Variants in KIRREL3 observed in about 807,000 individuals in gnomAD.
KIRREL3 encodes kin of IRRE-like protein 3.
KIRREL3 carries 36 observed loss-of-function variants against 89.7 expected under a neutral mutation model. The observed-to-expected ratio is 0.40, with a 90% CI of 0.31 to 0.53. KIRREL3 has a LOEUF of 0.53. KIRREL3 is among the 20% of genes least tolerant of loss of function. KIRREL3 has a pLI of 0.49. For synonymous variants in KIRREL3, 445 were observed against 441.4 expected, an observed-to-expected ratio of 1.01 and a Z score of -0.10; for missense variants, 864 against 1,056.6, an observed-to-expected ratio of 0.82 and a Z score of 2.53.
Position 126,642,360 on chromosome 11 carries a change from C to T in KIRREL3, c.56-79448G>A, listed in dbSNP as rs1529375. ...TATGCCCACACTAGGCAATGCCTTCCTGGGAGATAACATTGCATTTATTCC... is the reference window on the plus strand; with the variant it reads ...TATGCCCACACTAGGCAATGCCTTCTTGGGAGATAACATTGCATTTATTCC... On this transcript the variant is annotated intron_variant, in intron 1 of 16. Transcript: ENST00000525144. The surrounding 1 kb of genome is among the most constrained non-coding windows in gnomAD (Gnocchi z 4.9). Among the ~76,000 whole-genome samples the T allele has an allele frequency of 6.6e-6, 1 of 152,202 alleles. No individual in the cohort carries two copies. Among genetic ancestry groups the T allele is most frequent in the East Asian group, 1.9e-4 (1 of 5,198 alleles).
chr11:126,637,491 C>CCT (rs747094409), intron 1 of KIRREL3, among the ~76,000 whole-genome samples: 8 of 152,190 alleles, frequency 5.3e-5, no homozygotes, highest in South Asian at 2.1e-4. Flanking sequence ...CCTGCTCAAG[C>CCT]CTCTGCCTAT....
Position 126,425,023 on chromosome 11 carries a change from C to T in KIRREL3, c.1894G>A (p.Asp632Asn), listed in dbSNP as rs1262928265. 2 of 1,522,414 alleles carry T rather than the reference C, an allele frequency of 1.3e-6. No homozygotes were observed. The highest frequency in any genetic ancestry group is 1.8e-6 in the Non-Finnish European group (2 of 1,134,266). The allele number at this position is 1,522,414 out of a possible 1,614,324, so 94.3% of individuals were successfully genotyped here. A position where few individuals can be genotyped will look rare whatever the true frequency, so the allele number is the denominator to read the frequency against. The change falls in exon 17 of 17, where the codon GAC (aspartate) becomes AAC (asparagine). Residue 632 changes from aspartate to asparagine, a missense_variant and splice_region_variant. Physicochemically the swap from Asp to Asn is conservative, Grantham distance 23 (BLOSUM62 1). Transcript: ENST00000525144. ...EEEKEFQNLKDPTNGYYSVNT... is the reference protein window; with the variant it reads ...EEEKEFQNLKNPTNGYYSVNT... ...ACGCTGTAGTAGCCATTGGTGGGGTCCTGGATGGGCGAGAGGAAGAGGAGC... is the reference window on the plus strand; with the variant it reads ...ACGCTGTAGTAGCCATTGGTGGGGTTCTGGATGGGCGAGAGGAAGAGGAGC...
Position 126,739,298 on chromosome 11 carries a change from T to G in KIRREL3, c.56-176386A>C, listed in dbSNP as rs67805798. ...TTAATTCGACTGCCTTTTGGCATGG[T>G]TATGGGGCTTCTCTGCAAATTGCTT... On this transcript the variant is annotated intron_variant, in intron 1 of 16. Transcript: ENST00000525144. This position sits in a 1 kb window ranked among gnomAD's most constrained non-coding sequence, Gnocchi z 5.5. 0.03 allele frequency among the ~76,000 whole-genome samples: 4,498 copies of G among 152,346 alleles called. 110 individuals carry two copies. Among genetic ancestry groups the G allele is most frequent in the Admixed American group, 0.052 (802 of 15,306 alleles).
rs1947934604 is a variant in KIRREL3, at chr11:126,715,827, C to G, written c.56-152915G>C. Among the ~76,000 whole-genome samples the G allele has an allele frequency of 6.6e-6, 1 of 152,166 alleles. No homozygotes were observed. The highest frequency in any genetic ancestry group is 2.1e-4 in the South Asian group (1 of 4,818). Reference sequence around the variant, plus strand: ...ACACGGTTGCAGAGAGGCCAGTGTTCCACCGTCAAGAGCGCAGAAAAGCCC... The same window carrying G: ...ACACGGTTGCAGAGAGGCCAGTGTTGCACCGTCAAGAGCGCAGAAAAGCCC... On this transcript the variant is annotated intron_variant, in intron 1 of 16. Coordinates refer to ENST00000525144, the MANE Select transcript of KIRREL3 (RefSeq NM_032531.4). The surrounding 1 kb of genome is among the most constrained non-coding windows in gnomAD (Gnocchi z 4.4).
Position 126,946,919 on chromosome 11 carries a change from A to C in KIRREL3, c.55+53536T>G, listed in dbSNP as rs1948634343. On this transcript the variant is annotated intron_variant, in intron 1 of 16. Transcript: ENST00000525144. The surrounding 1 kb of genome is among the most constrained non-coding windows in gnomAD (Gnocchi z 4.1). ...ATTTGGTATCACCATACAGAGATTG[A>C]ATGTGCAGGCATTGAGTGGTTAAAT... 1.3e-5 allele frequency among the ~76,000 whole-genome samples: 2 copies of C among 152,182 alleles called. No homozygotes were observed. Among genetic ancestry groups the C allele is most frequent in the Admixed American group, 1.3e-4 (2 of 15,276 alleles).
chr11:126,512,573 G>T (rs1000684608), intron 4 of KIRREL3, among the ~76,000 whole-genome samples: 12 of 152,174 alleles, frequency 7.9e-5, no homozygotes, highest in African/African-American at 2.7e-4. Context: ...GCTGCCCCCC[G>T]CATGTTATAG....
intron 1 of KIRREL3, among the ~76,000 whole-genome samples, chr11:126,626,045 G>A (rs1019622946): frequency 6.6e-6 from 1 of 152,244 alleles, no homozygotes; most frequent in Non-Finnish European, 1.5e-5. Context: ...TTTATTCACT[G>A]AATGGATGAA....
intron 7 of KIRREL3, among the ~76,000 whole-genome samples, chr11:126,452,190 T>C (rs1478894337): frequency 2.6e-5 from 4 of 152,348 alleles, no homozygotes; most frequent in East Asian, 1.9e-4. Context: ...ATAACAACTG[T>C]AGTTTAACAA....
At chr11:126,478,642 T>C (rs1006975012) in intron 4 of KIRREL3, among the ~76,000 whole-genome samples, 5 of 147,684 alleles carry the variant, frequency 3.4e-5, no homozygotes, top group South Asian at 2.1e-4. Flanking sequence ...CGTGTGTATG[T>C]GTGTATGTAT....
chr11:126,936,779 G>A (rs1948208593), intron 1 of KIRREL3: 1 of 152,148 alleles, frequency 6.6e-6, no homozygotes, highest in Non-Finnish European at 1.5e-5. Flanking sequence ...TCTGCAAATG[G>A]GCATGAGGGA....
chr11:127,001,251 GGAGAA>G (rs1950307313), upstream of KIRREL3: 1 of 137,836 alleles, frequency 7.3e-6, no homozygotes, highest in African/African-American at 2.7e-5. Flanking sequence ...GCTCGGAGTT[GGAGAA>G]GAGATAAGCA....
chr11:126,788,320 G>GT lies in KIRREL3; in HGVS notation c.55+212134dup, dbSNP rs1950541365. Among the ~76,000 whole-genome samples, 1 of 152,176 alleles carries GT rather than the reference G, an allele frequency of 6.6e-6. No individual in the cohort carries two copies. The highest frequency in any genetic ancestry group is 2.1e-4 in the South Asian group (1 of 4,828). On this transcript the variant is annotated intron_variant, in intron 1 of 16. Coordinates refer to ENST00000525144, the MANE Select transcript of KIRREL3 (RefSeq NM_032531.4). This position sits in a 1 kb window ranked among gnomAD's most constrained non-coding sequence, Gnocchi z 4.1. ...TTCCACTTCCACTTGCTGAGATATG[G>GT]TTTTTCCCACTGTGCTACTCAGACA...
chr11:126,823,509 G>T (rs768513980), intron 1 of KIRREL3, among the ~76,000 whole-genome samples: 1 of 152,076 alleles, frequency 6.6e-6, no homozygotes, highest in Non-Finnish European at 1.5e-5. Flanking sequence ...GACCCTAAAT[G>T]AGCTCATGTT....
chr11:126,673,599 C>A (rs557986632), intron 1 of KIRREL3, among the ~76,000 whole-genome samples: 1 of 152,320 alleles, frequency 6.6e-6, no homozygotes, highest in Non-Finnish European at 1.5e-5. Flanking sequence ...ACAGTCAGGG[C>A]TGGCACAGGG....
intron 5 of KIRREL3, among the ~76,000 whole-genome samples, chr11:126,468,111 G>C (rs1470383651): frequency 1.3e-5 from 2 of 152,224 alleles, no homozygotes; most frequent in African/African-American, 2.4e-5. Context: ...CTGCCTGGCA[G>C]GAAGCTGCAC....
intron 6 of KIRREL3, among the ~76,000 whole-genome samples, chr11:126,458,312 G>A (rs1440386890): frequency 6.6e-6 from 1 of 152,232 alleles, no homozygotes; most frequent in Non-Finnish European, 1.5e-5. Flanking sequence ...GTCTCTTTCG[G>A]TCCCCATGGG....
chr11:126,618,842 C>T (rs977407957), intron 1 of KIRREL3, among the ~76,000 whole-genome samples: 3 of 152,224 alleles, frequency 2.0e-5, no homozygotes, highest in African/African-American at 7.2e-5. Flanking sequence ...TTGAATCACC[C>T]TCCTCTACTA....
intron 1 of KIRREL3, among the ~76,000 whole-genome samples, chr11:126,926,378 C>T (rs1372177490): frequency 6.6e-6 from 1 of 152,224 alleles, no homozygotes; most frequent in Non-Finnish European, 1.5e-5. Flanking sequence ...TTGCCACTGA[C>T]TGTAGTTATG....
At chr11:126,819,231 G>A (rs1441337169) in intron 1 of KIRREL3, among the ~76,000 whole-genome samples, 3 of 152,166 alleles carry the variant, frequency 2.0e-5, no homozygotes, top group Admixed American at 6.5e-5. Flanking sequence ...GCTCAGCCAA[G>A]CCCCTGAGAG....
Sources: allele counts gnomAD v4.1 joint callset (sites outside exome capture counted in the v4.1 genomes callset), GRCh38; gene constraint gnomAD v4.1.1; non-coding constraint Gnocchi (gnomAD v3.1); transcripts MANE v1.5; gene names NCBI Gene and HGNC (gene_info 2026-07-23, HGNC 2026-07-21).